Variants in STPG1 observed in about 807,000 individuals in gnomAD.
The protein encoded by STPG1 is sperm tail PG-rich repeat containing 1.
Under a neutral mutation model 40.1 loss-of-function variants are expected in STPG1, and 33 were observed. The observed-to-expected ratio is 0.82, with a 90% CI of 0.62 to 1.10. The LOEUF is 1.10. STPG1 is among the 50% of genes least tolerant of loss of function. The pLI is 0.00. For synonymous variants in STPG1, 150 were observed against 155.0 expected, an observed-to-expected ratio of 0.97 and a Z score of 0.24; for missense variants, 396 against 415.1, an observed-to-expected ratio of 0.95 and a Z score of 0.40.
At chr1:24,372,746 C>T (rs1456776257) in intron 6 of STPG1, among the ~76,000 whole-genome samples, 1 of 152,192 alleles carries the variant, frequency 6.6e-6, no homozygotes, top group Non-Finnish European at 1.5e-5. Context: ...ACAATTTTAT[C>T]CACACCCCTC....
intron 2 of STPG1, chr1:24,391,959 G>C (rs1263459156): frequency 3.6e-6 from 4 of 1,117,414 alleles, no homozygotes; most frequent in Non-Finnish European, 4.4e-6. Context: ...GGAAGGAGAT[G>C]ATAGTAAAGA....
intron 7 of STPG1, among the ~76,000 whole-genome samples, chr1:24,366,893 C>T (rs1641495730): frequency 6.6e-6 from 1 of 152,238 alleles, no homozygotes; most frequent in African/African-American, 2.4e-5. Context: ...GGTTCCTTTA[C>T]TGCAGGCCTT....
At chr1:24,369,317 C>T in intron 7 of STPG1, 1 of 490,534 alleles carries the variant, frequency 2.0e-6, no homozygotes, top group Non-Finnish European at 4.1e-6. Context: ...TGAGGAAAGA[C>T]TTAGTCCTGA....
chr1:24,391,532 C>G (rs1190413684), intron 3 of STPG1, 29 bp downstream of exon 3: 1 of 1,390,424 alleles, frequency 7.2e-7, no homozygotes, highest in Middle Eastern at 1.8e-4. Flanking sequence ...CAGACTAAAA[C>G]GAAAGAACCC....
At chr1:24,393,466 C>T (rs999127940) in intron 2 of STPG1, among the ~76,000 whole-genome samples, 33 of 152,162 alleles carry the variant, frequency 2.2e-4, no homozygotes, top group South Asian at 2.1e-4. Context: ...TTTCTAAAAG[C>T]CTAAGCCTAT....
At chr1:24,369,230 C>T (rs1641612543) in intron 7 of STPG1, 1 of 396,532 alleles carries the variant, frequency 2.5e-6, no homozygotes, top group Admixed American at 3.3e-5. Flanking sequence ...TTCTGAATGT[C>T]CTGCCACTCC....
At chr1:24,385,123 G>C (rs1642450869) in intron 3 of STPG1, among the ~76,000 whole-genome samples, 1 of 152,156 alleles carries the variant, frequency 6.6e-6, no homozygotes, top group Admixed American at 6.5e-5. Flanking sequence ...CATCCCTACT[G>C]CCTTCCTTAG....
intron 2 of STPG1, chr1:24,391,887 A>G (rs1416317022): frequency 7.7e-7 from 1 of 1,306,064 alleles, no homozygotes; most frequent in Non-Finnish European, 9.7e-7. Flanking sequence ...TCCCCCCTCC[A>G]GCTCTTAAAT....
chr1:24,364,311 G>A (rs1276158639), intron 7 of STPG1: 3 of 1,549,580 alleles, frequency 1.9e-6, no homozygotes, highest in Admixed American at 3.9e-5. Flanking sequence ...AGAGGGACCT[G>A]GATTCAAATC....
intron 3 of STPG1, among the ~76,000 whole-genome samples, chr1:24,385,315 T>C (rs886392681): frequency 2.0e-5 from 3 of 152,212 alleles, no homozygotes; most frequent in Admixed American, 6.5e-5. Context: ...ACAGGGGTGC[T>C]GATTCCTGCT....
chr1:24,389,410 G>A (rs978123725), intron 3 of STPG1, among the ~76,000 whole-genome samples: 2 of 152,130 alleles, frequency 1.3e-5, no homozygotes, highest in African/African-American at 4.8e-5. Flanking sequence ...GTGGTGCAGT[G>A]TGTGGAAAGA....
intron 8 of STPG1, among the ~76,000 whole-genome samples, chr1:24,360,381 G>A (rs904892527): frequency 2.0e-5 from 3 of 152,174 alleles, no homozygotes; most frequent in Non-Finnish European, 4.4e-5. Flanking sequence ...CCTGGGAGGC[G>A]GAAGTTGTGA....
intron 2 of STPG1, among the ~76,000 whole-genome samples, chr1:24,394,189 A>G (rs1240698184): frequency 6.6e-6 from 1 of 152,242 alleles, no homozygotes; most frequent in African/African-American, 2.4e-5. Flanking sequence ...TCCTGTTTTC[A>G]TGAGTCACAG....
rs201776191 is a variant in STPG1 at position 24,395,166 on chromosome 1, GA to G, written c.71-3488del. 1.8e-3 allele frequency among the ~76,000 whole-genome samples: 257 copies of G among 145,878 alleles called. 1 individual carries two copies. Among genetic ancestry groups the G allele is most frequent in the African/African-American group, 5.7e-3 (228 of 39,938 alleles). On this transcript the variant is annotated intron_variant, in intron 2 of 8. Transcript: ENST00000337248. ...AACAACACCTTTAAGGCAATAAAAGGAAAAAAAAAACCTGTCACCCTAGAAT... is the reference window on the plus strand; with the variant it reads ...AACAACACCTTTAAGGCAATAAAAGGAAAAAAAAACCTGTCACCCTAGAAT...
chr1:24,362,625 A>G (rs1641195542), intron 7 of STPG1, among the ~76,000 whole-genome samples: 2 of 152,232 alleles, frequency 1.3e-5, no homozygotes, highest in African/African-American at 4.8e-5. Flanking sequence ...TATTCTTCTG[A>G]TGATCCCTGT....
intron 1 of STPG1, among the ~76,000 whole-genome samples, chr1:24,413,134 C>T (rs1643797423): frequency 6.6e-6 from 1 of 152,164 alleles, no homozygotes; most frequent in Non-Finnish European, 1.5e-5. Flanking sequence ...ATAACCCATT[C>T]GATAGTCTTC....
intron 6 of STPG1, among the ~76,000 whole-genome samples, chr1:24,372,178 CA>C (rs1490774662): frequency 2.0e-5 from 3 of 151,834 alleles, no homozygotes; most frequent in South Asian, 2.1e-4. Context: ...ACTCCATCTC[CA>C]AAAAAACAAA....
rs1271176989 is a variant in STPG1, at chr1:24,399,098, A to T, written c.70+2221T>A. 1.3e-5 allele frequency among the ~76,000 whole-genome samples: 2 copies of T among 152,174 alleles called. No homozygotes were observed. The highest frequency in any genetic ancestry group is 2.4e-5 in the African/African-American group (1 of 41,462). ...TTATGTATCCATAAAAATTAAAAAT[A>T]AAAAAGTAAAATAAATTTATATGGA... On this transcript the variant is annotated intron_variant, in intron 2 of 8. Coordinates refer to ENST00000337248, the MANE Select transcript of STPG1 (RefSeq NM_001199013.2). This position sits in a 1 kb window ranked among gnomAD's most constrained non-coding sequence, Gnocchi z 4.0.
chr1:24,392,048 C>A, intron 2 of STPG1: 1 of 1,008,206 alleles, frequency 9.9e-7, no homozygotes, highest in Non-Finnish European at 1.2e-6. Context: ...ACAGAGGAAG[C>A]GTCCTCACTG....
Sources: allele counts gnomAD v4.1 joint callset (sites outside exome capture counted in the v4.1 genomes callset), GRCh38; gene constraint gnomAD v4.1.1; non-coding constraint Gnocchi (gnomAD v3.1); transcripts MANE v1.5; gene names NCBI Gene and HGNC (gene_info 2026-07-23, HGNC 2026-07-21).